Variants in VDAC1 observed in about 807,000 individuals in gnomAD.
VDAC1 encodes non-selective voltage-gated ion channel VDAC1.
A neutral mutation model predicts 34.7 loss-of-function variants in VDAC1; 10 were observed. The ratio of observed to expected loss-of-function variants is 0.29; its 90% CI spans 0.18 to 0.49. The LOEUF (loss-of-function observed/expected upper bound fraction) is 0.49. VDAC1 is among the 20% of genes least tolerant of loss of function. VDAC1 has a pLI of 0.99. For synonymous variants in VDAC1, 130 were observed against 136.0 expected (o/e 0.96, Z 0.30); for missense variants, 230 against 347.9 (o/e 0.66, Z 2.69).
At chr5:134,056,966 G>A in the VDAC1 span, among the ~76,000 whole-genome samples, 105 of 152,288 alleles carry the variant, frequency 6.9e-4, 1 homozygote, top group African/African-American at 2.5e-3. Flanking sequence ...TGGGATTACA[G>A]GCGTGAGCCA....
the VDAC1 span, among the ~76,000 whole-genome samples, chr5:134,083,914 G>A: frequency 1.3e-5 from 2 of 152,242 alleles, no homozygotes; most frequent in African/African-American, 4.8e-5. Context: ...GTGGAGTGGT[G>A]CAGAGGTCCC....
the VDAC1 span, among the ~76,000 whole-genome samples, chr5:134,082,715 A>G: frequency 6.6e-6 from 1 of 152,180 alleles, no homozygotes; most frequent in Non-Finnish European, 1.5e-5. Context: ...AACACCTGGT[A>G]TGGTCAGTTC....
the VDAC1 span, among the ~76,000 whole-genome samples, chr5:134,077,989 G>A: frequency 0.43 from 65,279 of 152,118 alleles, 15,025 homozygotes; most frequent in Non-Finnish European, 0.52. Context: ...AAAGCAAGCC[G>A]CATCAGGGAG....
the VDAC1 span, among the ~76,000 whole-genome samples, chr5:134,098,042 G>C: frequency 5.3e-5 from 8 of 151,540 alleles, no homozygotes; most frequent in Non-Finnish European, 1.0e-4. Flanking sequence ...GCTAATTTTT[G>C]TATTTTTAGT....
At chr5:134,025,682 TG>T in the VDAC1 span, among the ~76,000 whole-genome samples, 7 of 152,110 alleles carry the variant, frequency 4.6e-5, no homozygotes, top group African/African-American at 1.7e-4. Context: ...CTCAAACTCC[TG>T]GGCTCAAGCA....
the VDAC1 span, among the ~76,000 whole-genome samples, chr5:134,025,945 A>C: frequency 1.3e-5 from 2 of 152,056 alleles, no homozygotes; most frequent in African/African-American, 2.4e-5. Flanking sequence ...GAAAGATGTG[A>C]GTTTGGATTG....
At chr5:134,095,449 C>A in the VDAC1 span, among the ~76,000 whole-genome samples, 1 of 151,460 alleles carries the variant, frequency 6.6e-6, no homozygotes, top group African/African-American at 2.4e-5. Context: ...CATCACTGCA[C>A]CCCAGCCTAG....
At chr5:134,000,449 T>C (rs1259279200) in intron 1 of VDAC1, among the ~76,000 whole-genome samples, 1 of 152,194 alleles carries the variant, frequency 6.6e-6, no homozygotes, top group Non-Finnish European at 1.5e-5. Flanking sequence ...GGAGATGGCC[T>C]GCGCTGGCAG....
chr5:134,005,246 CCCCGGCCCCCCATCAAAGCCCG>C (rs1170789543), upstream of VDAC1: 1 of 152,170 alleles, frequency 6.6e-6, no homozygotes, highest in Non-Finnish European at 1.5e-5. Context: ...ACAAAGTGGC[CCCCGGCCCCCCATCAAAGCCCG>C]CGTGGGCCCC....
At chr5:134,021,338 G>GC in the VDAC1 span, among the ~76,000 whole-genome samples, 1 of 133,644 alleles carries the variant, frequency 7.5e-6, no homozygotes, top group South Asian at 2.4e-4. Context: ...TCCTCCCCCA[G>GC]CCCCCCACCC....
chr5:134,000,356 A>C (rs779342218), intron 1 of VDAC1, among the ~76,000 whole-genome samples: 1 of 152,182 alleles, frequency 6.6e-6, no homozygotes, highest in African/African-American at 2.4e-5. Context: ...CTGGGCCACC[A>C]CCAGCACAGC....
chr5:134,036,106 A>T, the VDAC1 span, among the ~76,000 whole-genome samples: 2 of 152,206 alleles, frequency 1.3e-5, no homozygotes, highest in African/African-American at 4.8e-5. Flanking sequence ...CCAAAATATG[A>T]CAAGAAATAT....
the VDAC1 span, among the ~76,000 whole-genome samples, chr5:134,092,714 G>T: frequency 6.6e-6 from 1 of 151,782 alleles, no homozygotes; most frequent in East Asian, 1.9e-4. Context: ...TTCCTTGGGT[G>T]ACCTCTGACA....
the VDAC1 span, among the ~76,000 whole-genome samples, chr5:134,032,124 C>CAAAAAAAAAAAAAAAAAAAAAAAAAA: frequency 2.2e-3 from 78 of 36,126 alleles, 7 homozygotes; most frequent in East Asian, 3.1e-3. Flanking sequence ...CTCTGCCTCA[C>CAAAAAAAAAAAAAAAAAAAAAAAAAA]AAAAAAAAAA....
At chr5:134,058,102 A>G in the VDAC1 span, among the ~76,000 whole-genome samples, 1 of 151,830 alleles carries the variant, frequency 6.6e-6, no homozygotes, top group Admixed American at 6.6e-5. Flanking sequence ...CACCATGTTG[A>G]CCAGGCTGGT....
the VDAC1 span, among the ~76,000 whole-genome samples, chr5:134,053,897 AG>A: frequency 6.6e-6 from 1 of 152,214 alleles, no homozygotes; most frequent in African/African-American, 2.4e-5. Flanking sequence ...AAAAATGCAA[AG>A]AACCAAGTAC....
intron 5 of VDAC1, among the ~76,000 whole-genome samples, chr5:133,982,520 A>G (rs1032740420): frequency 6.6e-6 from 1 of 151,306 alleles, no homozygotes; most frequent in Non-Finnish European, 1.5e-5. Context: ...TCAAAAAAAA[A>G]AAAAAAAGAA....
the VDAC1 span, among the ~76,000 whole-genome samples, chr5:134,106,675 G>T: frequency 6.6e-6 from 1 of 152,070 alleles, no homozygotes; most frequent in South Asian, 2.1e-4. Flanking sequence ...CAAAGTGCTG[G>T]GATTACAGGC....
chr5:134,056,600 A>G, the VDAC1 span, among the ~76,000 whole-genome samples: 115,685 of 152,096 alleles, frequency 0.76, 44,661 homozygotes, highest in East Asian at 0.89. Flanking sequence ...CCACTGCACC[A>G]GCCCCAGTGA....
Sources: gnomAD v4.1 joint callset for allele counts (sites outside exome capture counted in the v4.1 genomes callset) on GRCh38, gnomAD v4.1.1 for gene constraint, MANE v1.5 for transcripts, NCBI Gene and HGNC (gene_info 2026-07-23, HGNC 2026-07-21) for gene names.